FGFR1: variants seen among roughly 807,000 people sequenced by gnomAD.
FGFR1 encodes FGFR1/PLAG1 fusion.
Under a neutral mutation model 93.7 loss-of-function variants are expected in FGFR1, and 18 were observed. The ratio of observed to expected loss-of-function variants is 0.19; its 90% CI spans 0.13 to 0.28. The LOEUF (loss-of-function observed/expected upper bound fraction) is 0.28. Ranked by LOEUF, FGFR1 falls within the 10% of genes least tolerant of loss-of-function variation. FGFR1 has a pLI of 1.00. For missense variants in FGFR1, 731 were observed against 1,080.4 expected (o/e 0.68, Z 4.53); for synonymous variants, 448 against 429.3 (o/e 1.04, Z -0.54).
chr8:38,448,367 C>T (rs1270191365), intron 2 of FGFR1, among the ~76,000 whole-genome samples: 1 of 151,602 alleles, frequency 6.6e-6, no homozygotes, highest in African/African-American at 2.4e-5. Context: ...GCAACTTCCG[C>T]CTCGCGGGTT....
chr8:38,414,315 G>T (rs999999057), intron 15 of FGFR1, 26 bp from the exon 16 acceptor site: 3 of 1,614,070 alleles, frequency 1.9e-6, no homozygotes, highest in Non-Finnish European at 2.5e-6. Flanking sequence ...GAGCCACAGG[G>T]TGTTAGAGCT....
intron 16 of FGFR1, 59 bp from the exon 17 acceptor site, chr8:38,414,082 C>A (rs772633557): frequency 1.9e-6 from 3 of 1,613,682 alleles, no homozygotes; most frequent in Admixed American, 1.7e-5. Context: ...TCTAGTCTAG[C>A]CCCCTGCCCC....
At chr8:38,431,837 A>C (rs749234195) in intron 2 of FGFR1, among the ~76,000 whole-genome samples, 1 of 152,238 alleles carries the variant, frequency 6.6e-6, no homozygotes, top group Non-Finnish European at 1.5e-5. Flanking sequence ...AACTGATTAA[A>C]AATAAGCTTT....
intron 1 of FGFR1, among the ~76,000 whole-genome samples, chr8:38,457,990 G>A (rs1184072704): frequency 6.6e-6 from 1 of 152,016 alleles, no homozygotes; most frequent in African/African-American, 2.4e-5. Flanking sequence ...CTCAAAAAGA[G>A]AGGTTATAGG....
chr8:38,428,167 G>A (rs1051707572), intron 4 of FGFR1, 74 bp from the exon 5 acceptor site: 2 of 1,597,480 alleles, frequency 1.3e-6, no homozygotes, highest in Non-Finnish European at 1.7e-6. Flanking sequence ...CAGGGCCCAG[G>A]CCAGGACCTG....
intron 2 of FGFR1, among the ~76,000 whole-genome samples, chr8:38,436,847 A>C (rs1219824136): frequency 1.3e-5 from 2 of 151,908 alleles, no homozygotes; most frequent in East Asian, 3.9e-4. Flanking sequence ...CCCCCCAAAT[A>C]CTGCAGGCTT....
At chr8:38,422,238 A>G in intron 7 of FGFR1, 1 of 484,690 alleles carries the variant, frequency 2.1e-6, no homozygotes, top group East Asian at 3.6e-5. Flanking sequence ...AGCGGCATGG[A>G]GAAATGGGGC....
intron 2 of FGFR1, among the ~76,000 whole-genome samples, chr8:38,448,311 G>C (rs1017101607): frequency 1.4e-5 from 2 of 138,560 alleles, no homozygotes; most frequent in African/African-American, 2.7e-5. Context: ...ACGGAGTTTC[G>C]CTCTTTTGCC....
intron 2 of FGFR1, among the ~76,000 whole-genome samples, chr8:38,432,046 A>G (rs1823344168): frequency 6.6e-6 from 1 of 152,224 alleles, no homozygotes; most frequent in African/African-American, 2.4e-5. Context: ...ATTGGTCAAG[A>G]GTAAACTTGA....
At chr8:38,466,196 A>G (rs1007974717) in intron 1 of FGFR1, 13 of 232,262 alleles carry the variant, frequency 5.6e-5, no homozygotes, top group Non-Finnish European at 9.4e-5. Flanking sequence ...AAAAACACAC[A>G]GAGAGCGCCT....
At chr8:38,443,154 G>A (rs971539997) in intron 2 of FGFR1, among the ~76,000 whole-genome samples, 8 of 152,124 alleles carry the variant, frequency 5.3e-5, no homozygotes, top group Admixed American at 6.5e-5. Context: ...TGAAATGGAT[G>A]GTGGTGATGG....
At chr8:38,447,138 CA>C (rs1563587237) in intron 2 of FGFR1, among the ~76,000 whole-genome samples, 16 of 148,890 alleles carry the variant, frequency 1.1e-4, no homozygotes, top group African/African-American at 2.2e-4. Flanking sequence ...CACACACACA[CA>C]CACACACACA....
intron 8 of FGFR1, among the ~76,000 whole-genome samples, chr8:38,420,683 G>A (rs758217266): frequency 6.6e-5 from 10 of 151,958 alleles, no homozygotes; most frequent in Non-Finnish European, 1.3e-4. Context: ...GGGTGTGGAC[G>A]GCCCTCCTCC....
At chr8:38,456,390 C>T (rs1329089746) in intron 2 of FGFR1, among the ~76,000 whole-genome samples, 8 of 152,144 alleles carry the variant, frequency 5.3e-5, no homozygotes, top group Admixed American at 1.3e-4. Flanking sequence ...TTCCTGTTAC[C>T]GATGATGGCT....
rs1835949439 is a variant in FGFR1, at chr8:38,468,197, G to GGAGGC, written c.-310_-306dup. ...ACAATGGAGCCGGAGCTGGTGCCCCGGAGGCGGGGCGGGGGGAGGGCTCCC... is the reference window on the plus strand; with the variant it reads ...ACAATGGAGCCGGAGCTGGTGCCCCGGAGGCGAGGCGGGGCGGGGGGAGGGCTCCC... On this transcript the variant is annotated 5_prime_UTR_variant, in exon 1 of 18. Coordinates refer to ENST00000447712, the MANE Select transcript of FGFR1 (RefSeq NM_023110.3). 1 of 228,624 alleles carries GGAGGC rather than the reference G, an allele frequency of 4.4e-6. No individual in the cohort carries two copies. Among genetic ancestry groups the GGAGGC allele is most frequent in the Non-Finnish European group, 8.7e-6 (1 of 115,004 alleles). 14.2% of individuals were successfully genotyped at this position (228,624 alleles called of 1,614,324 possible).
At position 38,428,020 on chromosome 8, in the gene FGFR1, C is replaced by T. The variant is rs970359883; in HGVS notation, c.522G>A (p.Val174=). The T allele has an allele frequency of 1.9e-6, 3 of 1,614,248 alleles. No homozygotes were observed. Among genetic ancestry groups the T allele is most frequent in the Non-Finnish European group, 2.5e-6 (3 of 1,180,052 alleles). The part of the protein sequence containing the change: ...KLHAVPAAKT[V]KFKCPSSGTP... ...TCCCACTGGAAGGGCATTTGAACTT[C>T]ACTGTCTTGGCAGCCGGCACTGCAT... The change falls in exon 5 of 18, where the codon GTG becomes GTA. Residue 174 remains valine, a synonymous_variant. Coordinates refer to ENST00000447712, the MANE Select transcript of FGFR1 (RefSeq NM_023110.3).
chr8:38,429,527 CGGCA>C lies in FGFR1; in HGVS notation c.358+151_358+154del. The C allele has an allele frequency of 1.1e-6, 1 of 908,594 alleles. No homozygotes were observed. The allele number at this position is 908,594 out of a possible 1,614,324, so 56.3% of individuals were successfully genotyped here. A position where few individuals can be genotyped will look rare whatever the true frequency, so the allele number is the denominator to read the frequency against. ...TCACCTCTCTGAGAGCCAAGCCACG[CGGCA>C]GGCAGGGAGCAATGTTAGTGGGCAG... On this transcript the variant is annotated intron_variant, in intron 3 of 17. Coordinates refer to ENST00000447712, the MANE Select transcript of FGFR1 (RefSeq NM_023110.3). The surrounding 1 kb of genome is among the most constrained non-coding windows in gnomAD (Gnocchi z 4.4).
intron 5 of FGFR1, among the ~76,000 whole-genome samples, chr8:38,427,310 C>T (rs1821146529): frequency 6.6e-6 from 1 of 152,146 alleles, no homozygotes; most frequent in Admixed American, 6.5e-5. Context: ...GACAGAGTCT[C>T]ACTCTGTCAC....
chr8:38,423,353 ACTCT>A (rs1476711336), intron 7 of FGFR1: 18 of 517,304 alleles, frequency 3.5e-5, no homozygotes, highest in Non-Finnish European at 5.0e-5. Flanking sequence ...AGTCTCACTC[ACTCT>A]GTCACCCAGG....
Sources: gnomAD v4.1 joint callset for allele counts (sites outside exome capture counted in the v4.1 genomes callset) on GRCh38, gnomAD v4.1.1 for gene constraint, Gnocchi (gnomAD v3.1) non-coding constraint, MANE v1.5 for transcripts, NCBI Gene and HGNC (gene_info 2026-07-23, HGNC 2026-07-21) for gene names.